Variants in CRYL1 observed in about 807,000 individuals in gnomAD.
CRYL1 encodes lambda-crystallin homolog.
Under a neutral mutation model 36.6 loss-of-function variants are expected in CRYL1, and 29 were observed. The ratio of observed to expected loss-of-function variants is 0.79; its 90% CI spans 0.59 to 1.08. CRYL1 has a LOEUF of 1.08. Among genes scored for constraint, CRYL1 ranks in the 50% least tolerant of loss-of-function variants. The pLI, the probability that CRYL1 is intolerant of heterozygous loss-of-function variation, is 0.00. For missense variants in CRYL1, 411 were observed against 407.9 expected (o/e 1.01, Z -0.06); for synonymous variants, 152 against 151.5 (o/e 1.00, Z -0.02).
At chr13:20,465,043 A>C (rs566831534) in intron 3 of CRYL1, among the ~76,000 whole-genome samples, 43 of 152,286 alleles carry the variant, frequency 2.8e-4, no homozygotes, top group African/African-American at 9.4e-4. Flanking sequence ...ATTTGCTCTT[A>C]TTTTTAGAAA....
intron 5 of CRYL1, among the ~76,000 whole-genome samples, 175 bp from the exon 6 acceptor site, chr13:20,413,562 A>AT (rs1443814564): frequency 6.6e-6 from 1 of 152,196 alleles, no homozygotes; most frequent in East Asian, 1.9e-4. Context: ...GATGGCTGAT[A>AT]TTTTTTAGAT....
chr13:20,507,394 G>A (rs2033812070), intron 2 of CRYL1, among the ~76,000 whole-genome samples: 1 of 152,138 alleles, frequency 6.6e-6, no homozygotes, highest in South Asian at 2.1e-4. Context: ...GAGACCATAT[G>A]ACCCACAAAG....
At chr13:20,500,134 T>C (rs532253427) in intron 2 of CRYL1, among the ~76,000 whole-genome samples, 2 of 152,264 alleles carry the variant, frequency 1.3e-5, no homozygotes, top group Non-Finnish European at 2.9e-5. Flanking sequence ...GTTGTCTGCA[T>C]GGACGGAACT....
At chr13:20,498,538 G>T (rs1030255967) in intron 2 of CRYL1, among the ~76,000 whole-genome samples, 2 of 152,120 alleles carry the variant, frequency 1.3e-5, no homozygotes, top group African/African-American at 4.8e-5. Context: ...ATTATAAAAG[G>T]TTATAAAGTT....
At chr13:20,483,800 C>T (rs560295993) in intron 3 of CRYL1, among the ~76,000 whole-genome samples, 4 of 152,106 alleles carry the variant, frequency 2.6e-5, no homozygotes, top group Admixed American at 2.0e-4. Flanking sequence ...TGTGGCCTCC[C>T]CATGTTCTGG....
At chr13:20,418,406 T>G (rs1235909017) in intron 5 of CRYL1, 1 of 152,168 alleles carries the variant, frequency 6.6e-6, no homozygotes, top group African/African-American at 2.4e-5. Context: ...ACTCTGGTCC[T>G]TCGGACAGTC....
In CRYL1 at chr13:20,524,271, C is replaced by CTG. The variant is rs893030114; in HGVS notation, c.41+1481_41+1482dup. 3.3e-5 allele frequency among the ~76,000 whole-genome samples: 5 copies of CTG among 152,170 alleles called. No homozygotes were observed. The South Asian group carries it at 6.2e-4, about 19-fold the overall frequency. On this transcript the variant is annotated intron_variant, in intron 1 of 7. Coordinates refer to ENST00000298248, the MANE Select transcript of CRYL1 (RefSeq NM_015974.3). ...GTGCGCGCACGCATGCGTGTAAAAA[C>CTG]TGTGTGTGTATATATATGTGTGAGT...
intron 1 of CRYL1, among the ~76,000 whole-genome samples, chr13:20,522,248 G>C (rs1282582592): frequency 6.6e-6 from 1 of 152,066 alleles, no homozygotes; most frequent in African/African-American, 2.4e-5. Context: ...TACTTGGGAG[G>C]CTGAGGCAGG....
intron 3 of CRYL1, among the ~76,000 whole-genome samples, chr13:20,458,102 T>C (rs1361083173): frequency 6.6e-6 from 1 of 152,218 alleles, no homozygotes; most frequent in Non-Finnish European, 1.5e-5. Flanking sequence ...GGTTAGATAA[T>C]ACTGTATGTC....
intron 1 of CRYL1, among the ~76,000 whole-genome samples, chr13:20,513,112 T>G (rs771807702): frequency 6.6e-6 from 1 of 152,228 alleles, no homozygotes; most frequent in Non-Finnish European, 1.5e-5. Context: ...AATAACATTA[T>G]TTATTTTAAA....
Position 20,404,077 on chromosome 13 carries a change from G to T in CRYL1, c.*52C>A. 7.8e-7 allele frequency: 1 copy of T among 1,285,928 alleles called. No individual in the cohort carries two copies. Among genetic ancestry groups the T allele is most frequent in the Non-Finnish European group, 1.1e-6 (1 of 882,698 alleles). The allele number at this position is 1,285,928 out of a possible 1,614,324, so 79.7% of individuals were successfully genotyped here. ...AGAGGGCTGATTAAGGGCTTGCAGTGTTCCCAAATAGGGCCTCCAATGAGA... is the reference window on the plus strand; with the variant it reads ...AGAGGGCTGATTAAGGGCTTGCAGTTTTCCCAAATAGGGCCTCCAATGAGA... On this transcript the variant is annotated 3_prime_UTR_variant, in exon 8 of 8. Transcript: ENST00000298248.
chr13:20,407,255 T>C (rs1341562914), intron 6 of CRYL1, among the ~76,000 whole-genome samples: 5 of 151,826 alleles, frequency 3.3e-5, no homozygotes, highest in Admixed American at 3.3e-4. Context: ...CTGTCTGTGA[T>C]GAAGTTTAGG....
At chr13:20,480,098 A>C (rs906488432) in intron 3 of CRYL1, among the ~76,000 whole-genome samples, 3 of 152,184 alleles carry the variant, frequency 2.0e-5, no homozygotes, top group Admixed American at 1.3e-4. Context: ...TCTTTGAAAA[A>C]ATGCACGGCC....
chr13:20,474,669 G>A (rs2033127883), intron 3 of CRYL1, among the ~76,000 whole-genome samples: 2 of 152,094 alleles, frequency 1.3e-5, no homozygotes, highest in South Asian at 2.1e-4. Flanking sequence ...AGGCAGCGGC[G>A]ACTCCCAAGC....
chr13:20,458,059 C>T (rs972187715), intron 3 of CRYL1, among the ~76,000 whole-genome samples: 2 of 152,176 alleles, frequency 1.3e-5, no homozygotes, highest in Non-Finnish European at 2.9e-5. Context: ...CAGCCAACCA[C>T]AGGAAGAAAG....
chr13:20,444,186 G>C (rs751793301), intron 3 of CRYL1, among the ~76,000 whole-genome samples: 5 of 152,200 alleles, frequency 3.3e-5, no homozygotes, highest in Non-Finnish European at 7.3e-5. Context: ...AGGGGAAAGA[G>C]CACATCTATT....
chr13:20,490,660 G>T (rs553967856), intron 2 of CRYL1, among the ~76,000 whole-genome samples: 2 of 151,856 alleles, frequency 1.3e-5, no homozygotes, highest in Non-Finnish European at 2.9e-5. Context: ...GGCAGGGGAT[G>T]GGGTGGGGGG....
intron 2 of CRYL1, among the ~76,000 whole-genome samples, chr13:20,507,849 C>T (rs2033829445): frequency 2.0e-5 from 3 of 150,034 alleles, no homozygotes; most frequent in African/African-American, 7.4e-5. Flanking sequence ...ACCTGGGAGG[C>T]GGAGCTTGCA....
chr13:20,516,699 C>G (rs1280765616), intron 1 of CRYL1, among the ~76,000 whole-genome samples: 4 of 152,070 alleles, frequency 2.6e-5, no homozygotes, highest in Non-Finnish European at 4.4e-5. Context: ...CCATGATGGT[C>G]TCGATCTCCT....
Sources: allele counts gnomAD v4.1 joint callset (sites outside exome capture counted in the v4.1 genomes callset), GRCh38; gene constraint gnomAD v4.1.1; transcripts MANE v1.5; gene names NCBI Gene and HGNC (gene_info 2026-07-23, HGNC 2026-07-21).